The following SETBP1 variants were observed in gnomAD, a reference collection of about 807,000 sequenced individuals.
SETBP1 encodes SET-binding protein.
In SETBP1, 9 loss-of-function variants were observed where a neutral mutation model predicts 101.0. That is an observed-to-expected ratio of 0.09 (90% CI 0.05 to 0.16). The LOEUF (loss-of-function observed/expected upper bound fraction) is 0.16, where lower values mean the gene tolerates loss of function less well. Among genes scored for constraint, SETBP1 ranks in the 10% least tolerant of loss-of-function variants. The probability of loss-of-function intolerance (pLI) is 1.00; values close to 1 mark genes in which losing one functional copy is unlikely to be tolerated. For missense variants in SETBP1, 1,858 were observed against 2,033.8 expected (o/e 0.91, Z 1.66); for synonymous variants, 818 against 788.5 (o/e 1.04, Z -0.63).
intron 4 of SETBP1, among the ~76,000 whole-genome samples, chr18:44,974,373 T>C (rs904589416): frequency 4.6e-5 from 7 of 152,030 alleles, no homozygotes; most frequent in African/African-American, 1.7e-4. Flanking sequence ...CCAAGGTAGC[T>C]AAGTAAGTTT....
chr18:44,813,052 G>T (rs1009248546), intron 2 of SETBP1, among the ~76,000 whole-genome samples: 1 of 151,312 alleles, frequency 6.6e-6, no homozygotes, highest in Non-Finnish European at 1.5e-5. Context: ...GATGTAAAAA[G>T]GTAAAAAGGA....
In SETBP1 at chr18:45,066,770, TTC is replaced by T. The variant is rs2073972985; in HGVS notation, c.*3074_*3075del. The T allele has an allele frequency of 6.6e-6, 1 of 152,096 alleles. No homozygotes were observed. The highest frequency in any genetic ancestry group is 1.5e-5 in the Non-Finnish European group (1 of 68,008). The allele number at this position is 152,096 out of a possible 1,614,324, so 9.4% of individuals were successfully genotyped here. A position where few individuals can be genotyped will look rare whatever the true frequency, so the allele number is the denominator to read the frequency against. On this transcript the variant is annotated 3_prime_UTR_variant, in exon 6 of 6. Transcript: ENST00000649279. Reference sequence around the variant, plus strand: ...ATAAGAGAAACCCCTTGATTTTTATTTCTTTTTCTTTTGTTTTCTGGATTACC... The same window carrying T: ...ATAAGAGAAACCCCTTGATTTTTATTTTTTTCTTTTGTTTTCTGGATTACC...
intron 3 of SETBP1, among the ~76,000 whole-genome samples, chr18:44,911,024 G>A (rs930309076): frequency 6.6e-6 from 1 of 152,204 alleles, no homozygotes; most frequent in Non-Finnish European, 1.5e-5. Context: ...CATTAGTGCT[G>A]TGTAACACAG....
intron 2 of SETBP1, among the ~76,000 whole-genome samples, chr18:44,706,126 T>A (rs1233777198): frequency 6.6e-6 from 1 of 152,088 alleles, no homozygotes; most frequent in Admixed American, 6.5e-5. Context: ...CAGGTCTAAT[T>A]TTGCAGATGG....
intron 5 of SETBP1, among the ~76,000 whole-genome samples, chr18:45,051,615 T>C (rs2145554405): frequency 6.6e-6 from 1 of 152,096 alleles, no homozygotes; most frequent in East Asian, 1.9e-4. Context: ...GACCATTCCT[T>C]CCCCCGCTTC....
chr18:45,049,360 C>T (rs2073683353), intron 5 of SETBP1, among the ~76,000 whole-genome samples: 1 of 152,084 alleles, frequency 6.6e-6, no homozygotes, highest in Admixed American at 6.6e-5. Context: ...TAGAATAAGG[C>T]AGGGTGACTA....
chr18:44,743,824 C>G (rs1423597378), intron 2 of SETBP1, among the ~76,000 whole-genome samples: 1 of 152,184 alleles, frequency 6.6e-6, no homozygotes, highest in African/African-American at 2.4e-5. Flanking sequence ...TTGTCTGCTC[C>G]CTTTGCATAC....
intron 3 of SETBP1, among the ~76,000 whole-genome samples, chr18:44,947,784 C>T (rs539641240): frequency 4.6e-5 from 7 of 152,142 alleles, no homozygotes; most frequent in African/African-American, 1.2e-4. Flanking sequence ...GAACTACAGG[C>T]GTGAGCCACT....
At chr18:44,745,731 G>A (rs1568122025) in intron 2 of SETBP1, among the ~76,000 whole-genome samples, 1 of 152,164 alleles carries the variant, frequency 6.6e-6, no homozygotes, top group Non-Finnish European at 1.5e-5. Flanking sequence ...GAGTCAATAA[G>A]GAGACTAGGG....
intron 4 of SETBP1, among the ~76,000 whole-genome samples, chr18:44,979,701 C>A (rs1332761468): frequency 6.6e-6 from 1 of 152,136 alleles, no homozygotes; most frequent in Non-Finnish European, 1.5e-5. Context: ...ATATAAAAAT[C>A]ACAAATAACT....
chr18:44,977,306 GA>G (rs1011448105), intron 4 of SETBP1, among the ~76,000 whole-genome samples: 8 of 152,178 alleles, frequency 5.3e-5, no homozygotes, highest in Admixed American at 3.3e-4. Context: ...GGGAAAGGGG[GA>G]AAAAAGGAGC....
chr18:44,820,868 G>A (rs2072097669), intron 2 of SETBP1, among the ~76,000 whole-genome samples: 1 of 152,200 alleles, frequency 6.6e-6, no homozygotes, highest in Admixed American at 6.5e-5. Context: ...GTGGGAAAAG[G>A]AAGATGGATA....
intron 2 of SETBP1, among the ~76,000 whole-genome samples, chr18:44,836,355 C>T (rs985303040): frequency 6.6e-6 from 1 of 152,132 alleles, no homozygotes; most frequent in Non-Finnish European, 1.5e-5. Flanking sequence ...TCTGGTTCAA[C>T]GTTATTGCTG....
intron 4 of SETBP1, among the ~76,000 whole-genome samples, chr18:44,971,811 TC>T (rs752648725): frequency 6.6e-5 from 10 of 152,234 alleles, no homozygotes; most frequent in Non-Finnish European, 1.5e-4. Context: ...AAAAATTTTC[TC>T]CCATTCTGTA....
rs182580912 is a variant in SETBP1, at chr18:44,908,552, T to C, written c.540+39269T>C. ...CAATCAGTTCTGTTCTATTGATTTA[T>C]ATGTCTTTTCTTATGCCAGTGTCAC... On this transcript the variant is annotated intron_variant, in intron 3 of 5. Coordinates refer to ENST00000649279, the MANE Select transcript of SETBP1 (RefSeq NM_015559.3). Among the ~76,000 whole-genome samples the C allele has an allele frequency of 3.0e-4, 46 of 152,376 alleles. No homozygotes were observed. In the East Asian group the frequency reaches 8.5e-3, roughly 28 times the overall value.
chr18:44,951,667 T>C lies in SETBP1; in HGVS notation c.2327T>C (p.Met776Thr). The change falls in exon 4 of 6, where the codon ATG becomes ACG. Residue 776 changes from methionine to threonine, a missense_variant. Around this residue, in one of 12 missense-constraint regions of SETBP1, gnomAD observed 121 missense variants for 138.0 expected, o/e 0.88. Transcript: ENST00000649279. The surrounding 1 kb of genome is among the most constrained non-coding windows in gnomAD (Gnocchi z 7.8). ...CTTGTGGCGTCTTCACCAGCAGCTA[T>C]GCACCCACTTTCAACACAGTTAGGT... The part of the protein sequence containing the change: ...QSLVASSPAA[M>T]HPLSTQLGGS... 1 of 1,614,190 alleles carries C rather than the reference T, an allele frequency of 6.2e-7. No individual in the cohort carries two copies. The highest frequency in any genetic ancestry group is 8.5e-7 in the Non-Finnish European group (1 of 1,180,042).
chr18:44,941,307 G>C (rs1324404283), intron 3 of SETBP1, among the ~76,000 whole-genome samples: 1 of 151,880 alleles, frequency 6.6e-6, no homozygotes, highest in Non-Finnish European at 1.5e-5. Context: ...GGCTGGTCTT[G>C]AACTCCTGAC....
chr18:44,809,847 T>C (rs759021637), intron 2 of SETBP1, among the ~76,000 whole-genome samples: 1 of 151,972 alleles, frequency 6.6e-6, no homozygotes, highest in South Asian at 2.1e-4. Flanking sequence ...GATTAGGAGG[T>C]TGAAACACTC....
chr18:44,995,532 TGTG>T (rs1568016726), intron 4 of SETBP1, among the ~76,000 whole-genome samples: 8 of 72,870 alleles, frequency 1.1e-4, no homozygotes, highest in African/African-American at 3.6e-4. Flanking sequence ...CAGGCTTTTG[TGTG>T]TGTGTGTGTG....
Sources: allele counts gnomAD v4.1 joint callset (sites outside exome capture counted in the v4.1 genomes callset), GRCh38; gene constraint gnomAD v4.1.1; regional missense constraint gnomAD v4.1.1; non-coding constraint Gnocchi (gnomAD v3.1); transcripts MANE v1.5; gene names NCBI Gene and HGNC (gene_info 2026-07-23, HGNC 2026-07-21).